NBAS: variants seen among roughly 807,000 people sequenced by gnomAD.
NBAS encodes the protein NBAS subunit of NRZ tethering complex.
A neutral mutation model predicts 302.5 loss-of-function variants in NBAS; 219 were observed. The observed-to-expected ratio is 0.72, with a 90% CI of 0.65 to 0.81. The LOEUF (loss-of-function observed/expected upper bound fraction) is 0.81. Among genes scored for constraint, NBAS ranks in the 30% least tolerant of loss-of-function variants. NBAS has a pLI of 0.00. For synonymous variants in NBAS, 1,118 were observed against 1,021.6 expected (o/e 1.09, Z -1.80); for missense variants, 2,932 against 2,841.6 (o/e 1.03, Z -0.72).
chr2:15,254,546 G>A (rs1163725272), intron 44 of NBAS, among the ~76,000 whole-genome samples: 2 of 151,944 alleles, frequency 1.3e-5, no homozygotes. Context: ...TTTCTTCTAA[G>A]TTATTTTTAA....
chr2:15,555,261 TAA>T (rs770559877), intron 3 of NBAS, among the ~76,000 whole-genome samples: 13 of 135,726 alleles, frequency 9.6e-5, no homozygotes, highest in Admixed American at 2.2e-4. Flanking sequence ...GACCCTCTCT[TAA>T]AAAAAAAAAA....
At chr2:15,207,657 T>C (rs1053931535) in intron 48 of NBAS, among the ~76,000 whole-genome samples, 1 of 152,166 alleles carries the variant, frequency 6.6e-6, no homozygotes, top group African/African-American at 2.4e-5. Context: ...CTTGCTGTTC[T>C]TGTGATAGAG....
intron 44 of NBAS, among the ~76,000 whole-genome samples, chr2:15,239,388 CGTGTGT>C (rs71400646): frequency 1.2e-5 from 1 of 82,978 alleles, no homozygotes; most frequent in Non-Finnish European, 2.6e-5. Context: ...TGTATGTGTG[CGTGTGT>C]GTGTGTGTAT....
chr2:15,539,910 G>A (rs1663718496), intron 6 of NBAS, among the ~76,000 whole-genome samples: 1 of 151,776 alleles, frequency 6.6e-6, no homozygotes, highest in Non-Finnish European at 1.5e-5. Context: ...AAAGAGGCAG[G>A]TAAATCAAGA....
intron 12 of NBAS, among the ~76,000 whole-genome samples, chr2:15,487,871 G>A (rs1680698588): frequency 6.6e-6 from 1 of 152,168 alleles, no homozygotes; most frequent in Non-Finnish European, 1.5e-5. Flanking sequence ...TGGTAAACAT[G>A]TGGAGATCAT....
At chr2:15,129,265 G>A in the NBAS span, among the ~76,000 whole-genome samples, 3 of 152,168 alleles carry the variant, frequency 2.0e-5, no homozygotes, top group Non-Finnish European at 2.9e-5. Flanking sequence ...TGGCCTTGTC[G>A]GGTTTACTGA....
At chr2:15,419,487 G>A (rs1677108127) in intron 23 of NBAS, among the ~76,000 whole-genome samples, 1 of 152,054 alleles carries the variant, frequency 6.6e-6, no homozygotes, top group Non-Finnish European at 1.5e-5. Flanking sequence ...CACAAGTGCA[G>A]TCATAGCACA....
intron 21 of NBAS, among the ~76,000 whole-genome samples, chr2:15,446,329 A>G (rs1310155529): frequency 1.3e-5 from 2 of 152,196 alleles, no homozygotes; most frequent in Non-Finnish European, 1.5e-5. Context: ...CATCATGCAA[A>G]GAGAAACAAA....
At chr2:15,435,988 T>C (rs901163960) in intron 21 of NBAS, among the ~76,000 whole-genome samples, 4 of 152,212 alleles carry the variant, frequency 2.6e-5, no homozygotes, top group South Asian at 2.1e-4. Flanking sequence ...CATTATTTCA[T>C]TTAATCGTGA....
chr2:14,969,013 T>A, the NBAS span, among the ~76,000 whole-genome samples: 1 of 152,192 alleles, frequency 6.6e-6, no homozygotes, highest in African/African-American at 2.4e-5. Flanking sequence ...TATGTGGCCA[T>A]AAAGAGCAAT....
chr2:15,305,169 C>T (rs535657770), intron 40 of NBAS, among the ~76,000 whole-genome samples: 26 of 152,192 alleles, frequency 1.7e-4, no homozygotes, highest in African/African-American at 6.3e-4. Flanking sequence ...GAATTATAAC[C>T]CCCATAATCC....
the NBAS span, among the ~76,000 whole-genome samples, chr2:14,894,064 T>G: frequency 6.6e-6 from 1 of 152,254 alleles, no homozygotes; most frequent in African/African-American, 2.4e-5. Context: ...GTATCAAGTC[T>G]TACTTAGGAG....
the NBAS span, among the ~76,000 whole-genome samples, chr2:15,071,606 A>G: frequency 6.7e-6 from 1 of 149,854 alleles, no homozygotes; most frequent in Non-Finnish European, 1.5e-5. Context: ...CCTGGGTGAT[A>G]GAGCAAGACT....
At chr2:15,328,727 A>C (rs1324704493) in intron 36 of NBAS, among the ~76,000 whole-genome samples, 1 of 152,196 alleles carries the variant, frequency 6.6e-6, no homozygotes, top group East Asian at 1.9e-4. Flanking sequence ...AACAAGGCAA[A>C]CAACCAACAG....
chr2:14,961,007 G>A, the NBAS span, among the ~76,000 whole-genome samples: 1 of 152,112 alleles, frequency 6.6e-6, no homozygotes. Flanking sequence ...TCTCTGTGAG[G>A]CGGCCATCAA....
At chr2:15,241,464 T>C (rs1345526135) in intron 44 of NBAS, among the ~76,000 whole-genome samples, 1 of 152,136 alleles carries the variant, frequency 6.6e-6, no homozygotes, top group African/African-American at 2.4e-5. Context: ...CAACCAACCA[T>C]GGAATGAATA....
At chr2:15,438,841 T>C (rs7558423) in intron 21 of NBAS, among the ~76,000 whole-genome samples, 120 of 152,170 alleles carry the variant, frequency 7.9e-4, no homozygotes, top group African/African-American at 2.8e-3. Context: ...GTACCTGTGA[T>C]GAAATCACAC....
chr2:15,526,822 C>T (rs1159475428), intron 9 of NBAS, among the ~76,000 whole-genome samples: 1 of 152,058 alleles, frequency 6.6e-6, no homozygotes, highest in South Asian at 2.1e-4. Context: ...CAAAAATACC[C>T]TCAATTGCTT....
chr2:14,786,857 G>A, the NBAS span, among the ~76,000 whole-genome samples: 3 of 152,142 alleles, frequency 2.0e-5, no homozygotes, highest in Non-Finnish European at 4.4e-5. Context: ...GCAGAGCTGA[G>A]TTCAATTCCT....
Sources: allele counts gnomAD v4.1 joint callset (sites outside exome capture counted in the v4.1 genomes callset), GRCh38; gene constraint gnomAD v4.1.1; transcripts MANE v1.5; gene names NCBI Gene and HGNC (gene_info 2026-07-23, HGNC 2026-07-21).